STX2: variants seen among roughly 807,000 people sequenced by gnomAD.
The protein encoded by STX2 is syntaxin-2.
STX2 carries 27 observed loss-of-function variants against 40.6 expected under a neutral mutation model. That is an observed-to-expected ratio of 0.66 (90% CI 0.49 to 0.92). The LOEUF is 0.92. STX2 is among the 40% of genes least tolerant of loss of function. The probability of loss-of-function intolerance (pLI) is 0.00; values close to 1 mark genes in which losing one functional copy is unlikely to be tolerated. For synonymous variants in STX2, 123 were observed against 119.1 expected, an observed-to-expected ratio of 1.03 and a Z score of -0.22; for missense variants, 328 against 366.1, an observed-to-expected ratio of 0.90 and a Z score of 0.85.
At chr12:130,808,299 C>A (rs1024176319) in intron 5 of STX2, among the ~76,000 whole-genome samples, 3 of 152,104 alleles carry the variant, frequency 2.0e-5, no homozygotes, top group Non-Finnish European at 2.9e-5. Context: ...TGCCTACCCC[C>A]ACTTTTTCTC....
chr12:130,838,921 G>A (rs1369982911), intron 1 of STX2, 149 bp downstream of exon 1: 1 of 816,742 alleles, frequency 1.2e-6, no homozygotes, highest in Non-Finnish European at 1.6e-6. Flanking sequence ...GACTCCCTGA[G>A]ACCCTGCCCG....
chr12:130,818,099 C>T (rs535300077), intron 3 of STX2, among the ~76,000 whole-genome samples: 5 of 145,736 alleles, frequency 3.4e-5, no homozygotes, highest in African/African-American at 5.2e-5. Context: ...GAGAAGGCCC[C>T]GTGAGCTGTC....
At chr12:130,809,725 G>A (rs963156929) in intron 4 of STX2, among the ~76,000 whole-genome samples, 3 of 152,214 alleles carry the variant, frequency 2.0e-5, no homozygotes, top group Non-Finnish European at 2.9e-5. Flanking sequence ...GCTGAGGCAG[G>A]AGAATTGCTT....
At chr12:130,818,181 A>ATATAT (rs1555222320) in intron 3 of STX2, among the ~76,000 whole-genome samples, 3 of 20,172 alleles carry the variant, frequency 1.5e-4, no homozygotes, top group Non-Finnish European at 1.9e-4. Context: ...AAAAAAAAAA[A>ATATAT]AAAAATATAT....
In STX2 at chr12:130,789,940, C is replaced by A. The variant is rs1485557646; in HGVS notation, c.*2083G>T. ...TCTAAGAAGAATAACTTGAAAAATA[C>A]CATAATAAGTGTTGTAAAAGGGGAG... is the stretch of plus-strand genomic sequence containing the variant. On this transcript the variant is annotated 3_prime_UTR_variant, in exon 11 of 11. Transcript: ENST00000392373. 6.6e-6 allele frequency: 1 copy of A among 152,072 alleles called. No homozygotes were observed. Among genetic ancestry groups the A allele is most frequent in the Admixed American group, 6.6e-5 (1 of 15,266 alleles). 9.4% of individuals were successfully genotyped at this position (152,072 alleles called of 1,614,324 possible).
In STX2 at chr12:130,829,587, G is replaced by T. The variant is rs1267668271; in HGVS notation, c.31-2320C>A. On this transcript the variant is annotated intron_variant, in intron 1 of 10. Transcript: ENST00000392373. Reference sequence around the variant, plus strand: ...GGGGGACCCCCTCTCTTAGAAAGAGGATCTACTCCCCTGTGCGTGCCAGCC... The same window carrying T: ...GGGGGACCCCCTCTCTTAGAAAGAGTATCTACTCCCCTGTGCGTGCCAGCC... Among the ~76,000 whole-genome samples, 5 of 152,242 alleles carry T rather than the reference G, an allele frequency of 3.3e-5. No homozygotes were observed. The South Asian group carries it at 8.3e-4, about 25-fold the overall frequency.
chr12:130,795,928 A>G lies in STX2; in HGVS notation c.*45+67T>C, dbSNP rs1951015461. 3 of 1,516,302 alleles carry G rather than the reference A, an allele frequency of 2.0e-6. No individual in the cohort carries two copies. The African/African-American group carries it at 4.2e-5, about 21-fold the overall frequency. 93.9% of individuals were successfully genotyped at this position (1,516,302 alleles called of 1,614,324 possible). A position where few individuals can be genotyped will look rare whatever the true frequency, so the allele number is the denominator to read the frequency against. ...TTTTATTAGTTTTATGTCTATTACA[A>G]TTAAGCAAATACTATTATTGGTTAA... On this transcript the variant is annotated intron_variant, in intron 10 of 10. Coordinates refer to ENST00000392373, the MANE Select transcript of STX2 (RefSeq NM_194356.4).
Position 130,839,110 on chromosome 12 carries a change from CG to C in STX2, c.-12del. The C allele has an allele frequency of 1.6e-6, 2 of 1,268,786 alleles. No individual in the cohort carries two copies. Among genetic ancestry groups the C allele is most frequent in the Non-Finnish European group, 2.0e-6 (2 of 1,006,756 alleles). The allele number at this position is 1,268,786 out of a possible 1,614,324, so 78.6% of individuals were successfully genotyped here. ...CAGCCGGTCCCGCATCCCCGCCGGC[CG>C]GGCAGCGCGCCCCGCCGCTCAAGCC... On this transcript the variant is annotated 5_prime_UTR_variant, in exon 1 of 11. Coordinates refer to ENST00000392373, the MANE Select transcript of STX2 (RefSeq NM_194356.4).
At chr12:130,823,327 G>A (rs138975689) in intron 2 of STX2, among the ~76,000 whole-genome samples, 1,944 of 152,202 alleles carry the variant, frequency 0.013, 20 homozygotes, top group Non-Finnish European at 0.02. Flanking sequence ...ACAAAAAAAG[G>A]AAGAAGTAAT....
intron 6 of STX2, among the ~76,000 whole-genome samples, chr12:130,802,480 G>T (rs1274932050): frequency 2.6e-5 from 4 of 151,976 alleles, no homozygotes; most frequent in African/African-American, 9.7e-5. Context: ...TTGCAGGTGT[G>T]AGCCACCGTA....
In STX2 at chr12:130,839,110, C is replaced by A; in HGVS notation, c.-11G>T. 7.9e-7 allele frequency: 1 copy of A among 1,268,784 alleles called. No individual in the cohort carries two copies. The highest frequency in any genetic ancestry group is 9.9e-7 in the Non-Finnish European group (1 of 1,006,756). 78.6% of individuals were successfully genotyped at this position (1,268,784 alleles called of 1,614,324 possible). On this transcript the variant is annotated 5_prime_UTR_variant, in exon 1 of 11. Coordinates refer to ENST00000392373, the MANE Select transcript of STX2 (RefSeq NM_194356.4). Reference sequence around the variant, plus strand: ...CAGCCGGTCCCGCATCCCCGCCGGCCGGGCAGCGCGCCCCGCCGCTCAAGC... The same window carrying A: ...CAGCCGGTCCCGCATCCCCGCCGGCAGGGCAGCGCGCCCCGCCGCTCAAGC...
At chr12:130,819,691 A>C (rs1276471947) in intron 3 of STX2, among the ~76,000 whole-genome samples, 1 of 152,274 alleles carries the variant, frequency 6.6e-6, no homozygotes, top group Non-Finnish European at 1.5e-5. Flanking sequence ...CATGATGTTA[A>C]CAGATGTTAC....
At chr12:130,805,284 G>A (rs910310133) in intron 6 of STX2, among the ~76,000 whole-genome samples, 2 of 152,142 alleles carry the variant, frequency 1.3e-5, no homozygotes, top group Non-Finnish European at 2.9e-5. Context: ...TCTACAAAAC[G>A]ATTTCCAAGA....
At position 130,821,687 on chromosome 12, in the gene STX2, A is replaced by C. The variant is rs758696255; in HGVS notation, c.205+2T>G. 23 of 1,612,530 alleles carry C rather than the reference A, an allele frequency of 1.4e-5. No homozygotes were observed. The highest frequency in any genetic ancestry group is 3.3e-5 in the South Asian group (3 of 91,042). On this transcript the variant is annotated splice_donor_variant, in intron 3 of 10. Coordinates refer to ENST00000392373, the MANE Select transcript of STX2 (RefSeq NM_194356.4). LOFTEE classifies it high-confidence loss of function. ...GTTTTGTTGTGAAAACCAACAACTTACTTCCTTCCGGGTTTGGTGCAGAAA... is the reference window on the plus strand; with the variant it reads ...GTTTTGTTGTGAAAACCAACAACTTCCTTCCTTCCGGGTTTGGTGCAGAAA...
intron 9 of STX2, 93 bp downstream of exon 9, chr12:130,798,432 G>T: frequency 1.4e-6 from 1 of 703,866 alleles, no homozygotes; most frequent in Non-Finnish European, 2.2e-6. Flanking sequence ...ATTATTTCTT[G>T]GAATACCTTT....
intron 4 of STX2, among the ~76,000 whole-genome samples, chr12:130,809,007 C>T (rs1951545970): frequency 1.3e-5 from 2 of 152,216 alleles, no homozygotes; most frequent in Non-Finnish European, 2.9e-5. Flanking sequence ...GCTGGAATTA[C>T]AGGCGTGTGC....
In STX2 at chr12:130,791,905, A is replaced by G. The variant is rs1195661399; in HGVS notation, c.*118T>C. The stretch of plus-strand genomic sequence containing the variant: ...TGGCTCTTGGGATATGGTTGCTAGG[A>G]CAATGTTGTTGCTAGGATAATTCCA... On this transcript the variant is annotated 3_prime_UTR_variant, in exon 11 of 11. Coordinates refer to ENST00000392373, the MANE Select transcript of STX2 (RefSeq NM_194356.4). 2 of 1,611,548 alleles carry G rather than the reference A, an allele frequency of 1.2e-6. No homozygotes were observed. Among genetic ancestry groups the G allele is most frequent in the African/African-American group, 2.7e-5 (2 of 74,870 alleles).
intron 2 of STX2, among the ~76,000 whole-genome samples, chr12:130,826,484 G>A (rs1952312824): frequency 6.6e-6 from 1 of 152,158 alleles, no homozygotes; most frequent in Admixed American, 6.6e-5. Context: ...CTGCAGGCCC[G>A]GCCCCAACCC....
At chr12:130,807,870 CCCT>C (rs918409247) in intron 5 of STX2, among the ~76,000 whole-genome samples, 10 of 152,210 alleles carry the variant, frequency 6.6e-5, no homozygotes, top group East Asian at 3.9e-4. Context: ...ACACTGCCCT[CCCT>C]CCTCTTCTCA....
Sources: allele counts gnomAD v4.1 joint callset (sites outside exome capture counted in the v4.1 genomes callset), GRCh38; gene constraint gnomAD v4.1.1; transcripts MANE v1.5; gene names NCBI Gene and HGNC (gene_info 2026-07-23, HGNC 2026-07-21).